APBB1IP: variants seen among roughly 807,000 people sequenced by gnomAD.
The protein encoded by APBB1IP is amyloid beta A4 precursor protein-binding family B member 1-interacting protein.
In APBB1IP, 27 loss-of-function variants were observed where a neutral mutation model predicts 64.9. The ratio of observed to expected loss-of-function variants is 0.42; its 90% CI spans 0.31 to 0.57. APBB1IP has a LOEUF of 0.57. Ranked by LOEUF, APBB1IP falls within the 20% of genes least tolerant of loss-of-function variation. The probability of loss-of-function intolerance (pLI) is 0.20; values close to 1 mark genes in which losing one functional copy is unlikely to be tolerated. For missense variants in APBB1IP, 812 were observed against 845.5 expected (o/e 0.96, Z 0.49); for synonymous variants, 392 against 331.0 (o/e 1.18, Z -2.00).
chr10:26,453,924 T>C (rs7358210), intron 2 of APBB1IP, among the ~76,000 whole-genome samples: 2,421 of 152,298 alleles, frequency 0.016, 73 homozygotes, highest in African/African-American at 0.055. Flanking sequence ...CTTCTGTGTT[T>C]GTTGCAGCAC....
At chr10:26,531,079 G>C (rs868303400) in intron 8 of APBB1IP, among the ~76,000 whole-genome samples, 1 of 152,092 alleles carries the variant, frequency 6.6e-6, no homozygotes, top group African/African-American at 2.4e-5. Context: ...TTGGCCAGGC[G>C]TGGTGGTTTA....
intron 2 of APBB1IP, among the ~76,000 whole-genome samples, chr10:26,486,268 G>A (rs1468966458): frequency 6.6e-6 from 1 of 152,110 alleles, no homozygotes; most frequent in African/African-American, 2.4e-5. Flanking sequence ...AACGGTGGTG[G>A]TGAATATTGA....
rs201106829 is a variant in APBB1IP at position 26,505,769 on chromosome 10, T to TAC, written c.531+2495_531+2496insAC. On this transcript the variant is annotated intron_variant, in intron 6 of 14. Coordinates refer to ENST00000376236, the MANE Select transcript of APBB1IP (RefSeq NM_019043.4). ...TGCATCTGTACCCATATATCCCATA[T>TAC]TCTTTCCTTAACAATGGATAAATCA... Among the ~76,000 whole-genome samples, 7 of 151,990 alleles carry TAC rather than the reference T, an allele frequency of 4.6e-5. No individual in the cohort carries two copies. The South Asian group carries it at 6.2e-4, about 14-fold the overall frequency.
chr10:26,509,169 G>A (rs1836221417), intron 6 of APBB1IP, among the ~76,000 whole-genome samples: 1 of 152,118 alleles, frequency 6.6e-6, no homozygotes, highest in Non-Finnish European at 1.5e-5. Flanking sequence ...CATTTCTAAG[G>A]TCAGATGAAT....
At chr10:26,553,179 A>G (rs1400168636) in intron 11 of APBB1IP, among the ~76,000 whole-genome samples, 4 of 151,752 alleles carry the variant, frequency 2.6e-5, no homozygotes, top group Non-Finnish European at 4.4e-5. Context: ...CCGCCACCAC[A>G]CCCAGCAAAT....
At chr10:26,468,121 G>C (rs1835669680) in intron 2 of APBB1IP, among the ~76,000 whole-genome samples, 1 of 152,156 alleles carries the variant, frequency 6.6e-6, no homozygotes, top group Admixed American at 6.5e-5. Flanking sequence ...TAAATGAAAA[G>C]CTGGACCCAT....
Position 26,503,242 on chromosome 10 carries a change from C to G in APBB1IP, c.499C>G (p.Leu167Val). The G allele has an allele frequency of 6.2e-7, 1 of 1,614,062 alleles. No homozygotes were observed. Among genetic ancestry groups the G allele is most frequent in the Non-Finnish European group, 8.5e-7 (1 of 1,179,986 alleles). ...QAKADKIKLA[L>V]EKLKEAKVKK... is the part of the protein sequence containing the mutation. ...CAAGGCTGATAAAATTAAGCTGGCG[C>G]TGGAAAAACTGAAGGAGGCCAAGGT... The change falls in exon 6 of 15, where the codon CTG becomes GTG. Residue 167 changes from leucine (L) to valine (V), a missense_variant. Transcript: ENST00000376236.
At chr10:26,502,071 C>G (rs1405482860) in intron 5 of APBB1IP, 1 of 152,150 alleles carries the variant, frequency 6.6e-6, no homozygotes, top group Non-Finnish European at 1.5e-5. Context: ...AAACAAAGTA[C>G]AAAGTTGAAT....
chr10:26,544,257 T>G (rs891527362), intron 11 of APBB1IP, among the ~76,000 whole-genome samples: 1 of 152,190 alleles, frequency 6.6e-6, no homozygotes, highest in Non-Finnish European at 1.5e-5. Context: ...CAACACACTT[T>G]ATTGCCAAAG....
intron 2 of APBB1IP, among the ~76,000 whole-genome samples, chr10:26,465,920 A>G (rs766189647): frequency 3.9e-5 from 6 of 152,224 alleles, no homozygotes; most frequent in Non-Finnish European, 8.8e-5. Flanking sequence ...TTTCTGCTCA[A>G]CGAACCACCC....
chr10:26,471,684 C>CT (rs771915939), intron 2 of APBB1IP, among the ~76,000 whole-genome samples: 23 of 151,764 alleles, frequency 1.5e-4, no homozygotes, highest in Middle Eastern at 3.4e-3. Flanking sequence ...ACTGTTTAAG[C>CT]TTTTTTTGTT....
intron 11 of APBB1IP, among the ~76,000 whole-genome samples, chr10:26,552,941 T>A (rs1429843657): frequency 6.6e-6 from 1 of 152,168 alleles, no homozygotes; most frequent in Admixed American, 6.5e-5. Context: ...CTGCCCCACC[T>A]CTTCAAGCAG....
At chr10:26,543,474 A>AC (rs1277742318) in intron 11 of APBB1IP, among the ~76,000 whole-genome samples, 1 of 142,622 alleles carries the variant, frequency 7.0e-6, no homozygotes, top group Non-Finnish European at 1.6e-5. Flanking sequence ...CTCAAAAAAA[A>AC]AAAAAGAAAA....
intron 10 of APBB1IP, among the ~76,000 whole-genome samples, chr10:26,540,595 G>C (rs1432199801): frequency 6.6e-6 from 1 of 152,070 alleles, no homozygotes; most frequent in Non-Finnish European, 1.5e-5. Context: ...TATCTTGTAA[G>C]AAAAGAATAC....
intron 6 of APBB1IP, among the ~76,000 whole-genome samples, chr10:26,505,830 G>T (rs781463319): frequency 6.6e-6 from 1 of 151,840 alleles, no homozygotes; most frequent in Non-Finnish European, 1.5e-5. Flanking sequence ...CTTCTCTTGG[G>T]CTGCAGTCTC....
intron 2 of APBB1IP, among the ~76,000 whole-genome samples, chr10:26,460,839 G>C (rs1171330602): frequency 6.6e-6 from 1 of 152,132 alleles, no homozygotes; most frequent in Admixed American, 6.6e-5. Context: ...AATAGCTAAT[G>C]GATGCTGGGG....
chr10:26,567,729 C>G lies in APBB1IP; in HGVS notation c.*241C>G, dbSNP rs1837076237. 1.1e-5 allele frequency: 10 copies of G among 931,138 alleles called. No homozygotes were observed. The South Asian group carries it at 1.6e-4, about 15-fold the overall frequency. The allele number at this position is 931,138 out of a possible 1,614,324, so 57.7% of individuals were successfully genotyped here. A position where few individuals can be genotyped will look rare whatever the true frequency, so the allele number is the denominator to read the frequency against. ...GAATGTATCTTCCCTTCCAAGCTGC[C>G]TAAAGCGCTGTTTTAGGTTCATTTA... On this transcript the variant is annotated 3_prime_UTR_variant, in exon 15 of 15. Coordinates refer to ENST00000376236, the MANE Select transcript of APBB1IP (RefSeq NM_019043.4).
intron 8 of APBB1IP, among the ~76,000 whole-genome samples, chr10:26,528,697 G>A (rs991361708): frequency 6.6e-6 from 1 of 152,170 alleles, no homozygotes; most frequent in Non-Finnish European, 1.5e-5. Flanking sequence ...AGCACTTTGG[G>A]AGGCCGAGGC....
intron 2 of APBB1IP, among the ~76,000 whole-genome samples, chr10:26,482,474 A>G (rs2132423248): frequency 6.6e-6 from 1 of 152,286 alleles, no homozygotes; most frequent in South Asian, 2.1e-4. Flanking sequence ...CAATATTCTA[A>G]GTTATTTTCA....
Sources: gnomAD v4.1 joint callset for allele counts (sites outside exome capture counted in the v4.1 genomes callset) on GRCh38, gnomAD v4.1.1 for gene constraint, MANE v1.5 for transcripts, NCBI Gene and HGNC (gene_info 2026-07-23, HGNC 2026-07-21) for gene names.